The following MTMR6 variants were observed in gnomAD, a reference collection of about 807,000 sequenced individuals.
MTMR6 encodes myotubularin related protein 6.
Under a neutral mutation model 80.1 loss-of-function variants are expected in MTMR6, and 47 were observed. The observed-to-expected ratio is 0.59, with a 90% CI of 0.46 to 0.75. The LOEUF (loss-of-function observed/expected upper bound fraction) is 0.75, where lower values mean the gene tolerates loss of function less well. Ranked by LOEUF, MTMR6 falls within the 30% of genes least tolerant of loss-of-function variation. MTMR6 has a pLI of 0.00. For synonymous variants in MTMR6, 254 were observed against 253.0 expected, an observed-to-expected ratio of 1.00 and a Z score of -0.04; for missense variants, 629 against 730.9, an observed-to-expected ratio of 0.86 and a Z score of 1.61.
At chr13:25,267,694 A>G in intron 3 of MTMR6, 85 bp downstream of exon 3, 4 of 1,373,854 alleles carry the variant, frequency 2.9e-6, no homozygotes, top group South Asian at 1.5e-5. Flanking sequence ...AAAGGATAAA[A>G]TAACAATAAT....
chr13:25,264,563 T>A (rs1957410513), intron 5 of MTMR6, among the ~76,000 whole-genome samples: 3 of 151,772 alleles, frequency 2.0e-5, no homozygotes, highest in African/African-American at 7.3e-5. Context: ...AAGACCAGAC[T>A]AGCCAACACG....
In MTMR6 at chr13:25,246,887, A is replaced by G. The variant is rs1203896354; in HGVS notation, c.*2345T>C. 2 of 152,156 alleles carry G rather than the reference A, an allele frequency of 1.3e-5. No homozygotes were observed. Among genetic ancestry groups the G allele is most frequent in the African/African-American group, 2.4e-5 (1 of 41,434 alleles). The allele number at this position is 152,156 out of a possible 1,614,324, so 9.4% of individuals were successfully genotyped here. Reference sequence around the variant, plus strand: ...TTGTCAGCCAGTTATTTTCTTCCTCATATTTACATCCAGATCTGCCTTTGG... The same window carrying G: ...TTGTCAGCCAGTTATTTTCTTCCTCGTATTTACATCCAGATCTGCCTTTGG... On this transcript the variant is annotated 3_prime_UTR_variant, in exon 14 of 14. Coordinates refer to ENST00000381801, the MANE Select transcript of MTMR6 (RefSeq NM_004685.5).
chr13:25,278,408 C>A lies in MTMR6; in HGVS notation c.25-4221G>T, dbSNP rs1304859660. Among the ~76,000 whole-genome samples the A allele has an allele frequency of 5.3e-5, 8 of 152,142 alleles. No homozygotes were observed. In the South Asian group the frequency reaches 1.4e-3, roughly 28 times the overall value. On this transcript the variant is annotated intron_variant, in intron 1 of 13. Coordinates refer to ENST00000381801, the MANE Select transcript of MTMR6 (RefSeq NM_004685.5). ...AAGAGTTTGAGACCAGCCTGGCCAA[C>A]ATGGCGAAACCCTGCTTTACTAAAC...
At position 25,258,726 on chromosome 13, in the gene MTMR6, ATTAC is replaced by A. The variant is rs759191501; in HGVS notation, c.727-38_727-35del. 1.1e-3 allele frequency: 1,581 copies of A among 1,491,076 alleles called. 2 individuals carry two copies. The highest frequency in any genetic ancestry group is 2.3e-3 in the South Asian group (166 of 72,640). The allele number at this position is 1,491,076 out of a possible 1,614,324, so 92.4% of individuals were successfully genotyped here. A position where few individuals can be genotyped will look rare whatever the true frequency, so the allele number is the denominator to read the frequency against. On this transcript the variant is annotated intron_variant, in intron 6 of 13. Transcript: ENST00000381801. ...AAAAGTTTTAGAAATTTAGAGACAA[ATTAC>A]TTTTTTAATTTACCAAAATGTCATG...
At chr13:25,260,463 G>A (rs982930475) in intron 6 of MTMR6, 11 of 504,694 alleles carry the variant, frequency 2.2e-5, no homozygotes, top group Middle Eastern at 4.8e-4. Flanking sequence ...TCTTCTTCTG[G>A]TTTCTAAATT....
chr13:25,269,946 A>C (rs1443459598), intron 2 of MTMR6, among the ~76,000 whole-genome samples: 1 of 152,234 alleles, frequency 6.6e-6, no homozygotes, highest in East Asian at 1.9e-4. Context: ...TAAGGAATAA[A>C]AGCTAACTGT....
chr13:25,257,722 A>C lies in MTMR6; in HGVS notation c.969+14T>G, dbSNP rs767018731. 21 of 1,578,004 alleles carry C rather than the reference A, an allele frequency of 1.3e-5. No homozygotes were observed. The South Asian group carries it at 2.1e-4, about 16-fold the overall frequency. Reference sequence around the variant, plus strand: ...TATAGACCCCAAGACCAAATATGAAAGATAAAGTATTACTTTGGCCAAGAA... The same window carrying C: ...TATAGACCCCAAGACCAAATATGAACGATAAAGTATTACTTTGGCCAAGAA... On this transcript the variant is annotated intron_variant, in intron 8 of 13. Transcript: ENST00000381801.
intron 1 of MTMR6, among the ~76,000 whole-genome samples, chr13:25,274,961 T>TACACACACACACACACACATACACAC (rs1957681034): frequency 9.5e-6 from 1 of 104,988 alleles, no homozygotes; most frequent in Non-Finnish European, 1.9e-5. Flanking sequence ...CACACACACA[T>TACACACACACACACACACATACACAC]ACACACACAC....
chr13:25,281,270 G>A (rs1262298255), intron 1 of MTMR6, among the ~76,000 whole-genome samples: 1 of 152,112 alleles, frequency 6.6e-6, no homozygotes, highest in Non-Finnish European at 1.5e-5. Flanking sequence ...CCAGGAGGTA[G>A]AGGCTGCAAT....
At chr13:25,273,855 T>C (rs550191262) in intron 2 of MTMR6, among the ~76,000 whole-genome samples, 8 of 152,308 alleles carry the variant, frequency 5.3e-5, no homozygotes, top group Non-Finnish European at 1.0e-4. Context: ...TAATTATTTA[T>C]GGAGATAAGA....
intron 6 of MTMR6, among the ~76,000 whole-genome samples, chr13:25,261,303 T>TA (rs56833434): frequency 0.42 from 17,040 of 40,846 alleles, 5,699 homozygotes; most frequent in Non-Finnish European, 0.56. Context: ...AACTCTGTCT[T>TA]AAAAAAAAAA....
intron 7 of MTMR6, 24 bp downstream of exon 7, chr13:25,258,536 C>A: frequency 6.4e-7 from 1 of 1,563,836 alleles, no homozygotes; most frequent in Non-Finnish European, 8.6e-7. Flanking sequence ...ACAAGGGTGT[C>A]TAAAAAAGTA....
intron 9 of MTMR6, among the ~76,000 whole-genome samples, chr13:25,255,023 T>C (rs1163603575): frequency 6.6e-6 from 1 of 152,246 alleles, no homozygotes; most frequent in African/African-American, 2.4e-5. Flanking sequence ...ACAGCTTCTC[T>C]ACTTACCCAC....
At chr13:25,275,439 A>C (rs1957697261) in intron 1 of MTMR6, among the ~76,000 whole-genome samples, 1 of 151,848 alleles carries the variant, frequency 6.6e-6, no homozygotes. Flanking sequence ...CAAACAAACA[A>C]ACAAACAAAA....
chr13:25,265,277 T>C (rs1957431303), intron 5 of MTMR6, among the ~76,000 whole-genome samples: 1 of 152,160 alleles, frequency 6.6e-6, no homozygotes, highest in Non-Finnish European at 1.5e-5. Context: ...GGATCCTATC[T>C]GTTAACTAAT....
rs1294037102 is a variant in MTMR6, at chr13:25,246,513, TAA to T, written c.*2717_*2718del. The T allele has an allele frequency of 6.6e-6, 1 of 152,646 alleles. No homozygotes were observed. The allele number at this position is 152,646 out of a possible 1,614,324, so 9.5% of individuals were successfully genotyped here. ...GACTAATGAAGATCAGCGTCACTAA[TAA>T]AAGTCTGCAACTGTAGTATTAGGTT... On this transcript the variant is annotated 3_prime_UTR_variant, in exon 14 of 14. Coordinates refer to ENST00000381801, the MANE Select transcript of MTMR6 (RefSeq NM_004685.5).
In MTMR6 at chr13:25,248,131, A is replaced by G. The variant is rs1052435625; in HGVS notation, c.*1101T>C. 1 of 152,132 alleles carries G rather than the reference A, an allele frequency of 6.6e-6. No homozygotes were observed. Among genetic ancestry groups the G allele is most frequent in the African/African-American group, 2.4e-5 (1 of 41,448 alleles). 9.4% of individuals were successfully genotyped at this position (152,132 alleles called of 1,614,324 possible). A position where few individuals can be genotyped will look rare whatever the true frequency, so the allele number is the denominator to read the frequency against. ...TTTTTCTATATTTAACAAGAAGAAA[A>G]ATAATGCTCCACATAGAAATGACTT... On this transcript the variant is annotated 3_prime_UTR_variant, in exon 14 of 14. Transcript: ENST00000381801.
intron 5 of MTMR6, among the ~76,000 whole-genome samples, chr13:25,262,222 A>G (rs942886283): frequency 6.6e-6 from 1 of 152,246 alleles, no homozygotes; most frequent in African/African-American, 2.4e-5. Context: ...AAAGGTTTTA[A>G]GATCTCTAAT....
rs193108676 is a variant in MTMR6 at position 25,275,287 on chromosome 13, T to C, written c.25-1100A>G. Among the ~76,000 whole-genome samples, 200 of 151,884 alleles carry C rather than the reference T, an allele frequency of 1.3e-3. 1 individual carries two copies. The Middle Eastern group carries it at 0.017, about 13-fold the overall frequency. ...AAATATAAAAATCAGCTGGACATGGTGGCACACGTCTGTAATCCCAGCTAC... is the reference window on the plus strand; with the variant it reads ...AAATATAAAAATCAGCTGGACATGGCGGCACACGTCTGTAATCCCAGCTAC... On this transcript the variant is annotated intron_variant, in intron 1 of 13. Transcript: ENST00000381801.
Sources: allele counts gnomAD v4.1 joint callset (sites outside exome capture counted in the v4.1 genomes callset), GRCh38; gene constraint gnomAD v4.1.1; transcripts MANE v1.5; gene names NCBI Gene and HGNC (gene_info 2026-07-23, HGNC 2026-07-21).